DNAJC8: variants seen among roughly 807,000 people sequenced by gnomAD.
DNAJC8 encodes dnaJ homolog subfamily C member 8.
In DNAJC8, 24 loss-of-function variants were observed where a neutral mutation model predicts 43.2. The ratio of observed to expected loss-of-function variants is 0.56; its 90% confidence interval spans 0.40 to 0.78. DNAJC8 has a LOEUF of 0.78. Among genes scored for constraint, DNAJC8 ranks in the 30% least tolerant of loss-of-function variants. DNAJC8 has a pLI of 0.00. For missense variants in DNAJC8, 207 were observed against 299.4 expected (o/e 0.69, Z 2.28); for synonymous variants, 83 against 98.0 (o/e 0.85, Z 0.90).
intron 3 of DNAJC8, 110 bp from the exon 4 acceptor site, chr1:28,210,747 C>G: frequency 1.4e-6 from 1 of 703,676 alleles, no homozygotes; most frequent in Non-Finnish European, 2.4e-6. Flanking sequence ...CAAAAAGAGA[C>G]TCTTAGCAAA....
intron 1 of DNAJC8, among the ~76,000 whole-genome samples, chr1:28,231,607 CG>C (rs1372244155): frequency 6.6e-6 from 1 of 151,340 alleles, no homozygotes; most frequent in Admixed American, 6.6e-5. Context: ...CCCAGCTACT[CG>C]GGAGGCTGAG....
At chr1:28,211,382 C>T (rs933787259) in intron 3 of DNAJC8, among the ~76,000 whole-genome samples, 1 of 152,172 alleles carries the variant, frequency 6.6e-6, no homozygotes, top group Admixed American at 6.6e-5. Context: ...TTTGAATTTT[C>T]GGATTAGGGA....
chr1:28,219,463 C>T (rs926043725), intron 2 of DNAJC8, among the ~76,000 whole-genome samples: 1 of 152,068 alleles, frequency 6.6e-6, no homozygotes, highest in Admixed American at 6.5e-5. Context: ...GAGCCGAGAT[C>T]GTGCCACTGC....
At chr1:28,215,789 A>T (rs945781977) in intron 2 of DNAJC8, among the ~76,000 whole-genome samples, 1 of 151,920 alleles carries the variant, frequency 6.6e-6, no homozygotes, top group Non-Finnish European at 1.5e-5. Context: ...CGCCTGCCTC[A>T]GCCTCCCAAA....
rs576422692 is a variant in DNAJC8 at position 28,229,000 on chromosome 1, G to A, written c.102C>T (p.Asp34=). The change falls in exon 2 of 9, where the codon GAC becomes GAT. Residue 34 remains aspartate (D), a synonymous_variant. Transcript: ENST00000263697. ...TCTGATTTTTCGAAGTTAGAACCGA[G>A]TCTCTCTTCTCTATTTGTTTCACCT... The part of the protein sequence containing the change: ...YSEVKQIEKR[D]SVLTSKNQIE... 1.2e-6 allele frequency: 2 copies of A among 1,613,916 alleles called. No homozygotes were observed. Among genetic ancestry groups the A allele is most frequent in the East Asian group, 4.5e-5 (2 of 44,858 alleles).
Position 28,219,701 on chromosome 1 carries a change from T to A in DNAJC8, c.181-4705A>T, listed in dbSNP as rs1646885790. On this transcript the variant is annotated intron_variant, in intron 2 of 8. Coordinates refer to ENST00000263697, the MANE Select transcript of DNAJC8 (RefSeq NM_014280.3). ...CGATTTCTATTCTTTTTTTCTTTCT[T>A]TCTTGAGACAGAGTCTTGTTCTGTC... Among the ~76,000 whole-genome samples, 3 of 152,144 alleles carry A rather than the reference T, an allele frequency of 2.0e-5. No individual in the cohort carries two copies. In the South Asian group the frequency reaches 6.2e-4, roughly 32 times the overall value.
chr1:28,232,991 G>A lies in DNAJC8; in HGVS notation c.8C>T (p.Ala3Val), dbSNP rs1646991971. The A allele has an allele frequency of 6.2e-7, 1 of 1,612,062 alleles. No individual in the cohort carries two copies. The highest frequency in any genetic ancestry group is 8.5e-7 in the Non-Finnish European group (1 of 1,180,006). MA[A>V]SGESGTSGGG... Reference sequence around the variant, plus strand: ...GCCTGAAGTCCCGCTCTCTCCTGAAGCCGCCATTTCCCCGGCCCAGCCACC... The same window carrying A: ...GCCTGAAGTCCCGCTCTCTCCTGAAACCGCCATTTCCCCGGCCCAGCCACC... The change falls in exon 1 of 9, where the codon GCT becomes GTT. Residue 3 changes from alanine to valine, a missense_variant. Ala to Val is a moderately conservative substitution (Grantham distance 64). This residue lies in a region of DNAJC8 where 48 missense variants were observed against 31.9 expected (regional missense o/e 1.50). Transcript: ENST00000263697.
intron 2 of DNAJC8, among the ~76,000 whole-genome samples, chr1:28,225,415 C>G (rs937881579): frequency 6.6e-6 from 1 of 151,196 alleles, no homozygotes; most frequent in Non-Finnish European, 1.5e-5. Flanking sequence ...AAACAGAAAA[C>G]AGATGAACCT....
chr1:28,201,022 G>A lies in DNAJC8; in HGVS notation c.*226C>T, dbSNP rs1291819378. 1 of 570,264 alleles carries A rather than the reference G, an allele frequency of 1.8e-6. No homozygotes were observed. The allele number at this position is 570,264 out of a possible 1,614,324, so 35.3% of individuals were successfully genotyped here. A position where few individuals can be genotyped will look rare whatever the true frequency, so the allele number is the denominator to read the frequency against. The stretch of plus-strand genomic sequence containing the variant: ...ACCAATGGTGGCACCTTCTAATACT[G>A]GTTGTTCTAGGGGCAGGGAGAGGGA... On this transcript the variant is annotated 3_prime_UTR_variant, in exon 9 of 9. Transcript: ENST00000263697.
chr1:28,228,121 C>T lies in DNAJC8; in HGVS notation c.180+801G>A, dbSNP rs560435368. Among the ~76,000 whole-genome samples the T allele has an allele frequency of 1.3e-4, 20 of 151,982 alleles. 1 individual carries two copies. Among genetic ancestry groups the T allele is most frequent in the Middle Eastern group, 6.8e-3 (2 of 294 alleles). On this transcript the variant is annotated intron_variant, in intron 2 of 8. Transcript: ENST00000263697. ...ATCCCAGCACTTTGGGAGGCTGAGG[C>T]GGGTGGATCACAAGGTCAGGAGTTC...
intron 2 of DNAJC8, among the ~76,000 whole-genome samples, chr1:28,216,299 AG>A (rs1316419997): frequency 6.6e-6 from 1 of 152,230 alleles, no homozygotes; most frequent in Admixed American, 6.5e-5. Context: ...GTCACTCAAT[AG>A]GAAGAGCGAA....
intron 3 of DNAJC8, among the ~76,000 whole-genome samples, chr1:28,212,919 G>A (rs1646825227): frequency 6.6e-6 from 1 of 152,196 alleles, no homozygotes. Context: ...GCTGATATAA[G>A]AATGAAACAA....
chr1:28,228,448 A>G (rs558562392), intron 2 of DNAJC8, among the ~76,000 whole-genome samples: 1 of 151,996 alleles, frequency 6.6e-6, no homozygotes, highest in Admixed American at 6.6e-5. Flanking sequence ...CTAAAAGATG[A>G]TGAAAGATAT....
chr1:28,208,951 T>A (rs1447716142), intron 5 of DNAJC8: 1 of 152,192 alleles, frequency 6.6e-6, no homozygotes, highest in Non-Finnish European at 1.5e-5. Flanking sequence ...AATAAATAAA[T>A]ATACGAATTC....
intron 2 of DNAJC8, 29 bp downstream of exon 2, chr1:28,228,893 A>G: frequency 6.3e-7 from 1 of 1,578,576 alleles, no homozygotes; most frequent in Non-Finnish European, 8.7e-7. Flanking sequence ...CCCCCATTAC[A>G]GAGGCCCTAG....
chr1:28,205,181 T>G, intron 7 of DNAJC8, 77 bp downstream of exon 7: 1 of 1,119,218 alleles, frequency 8.9e-7, no homozygotes, highest in Admixed American at 2.1e-5. Context: ...AATTCCCTCA[T>G]TAGGAAAATC....
At chr1:28,225,196 T>C (rs1397708298) in intron 2 of DNAJC8, among the ~76,000 whole-genome samples, 2 of 151,310 alleles carry the variant, frequency 1.3e-5, no homozygotes, top group East Asian at 3.8e-4. Flanking sequence ...TGTATCAGGG[T>C]TCATTTCCTG....
At chr1:28,201,595 C>G (rs909090286) in intron 8 of DNAJC8, among the ~76,000 whole-genome samples, 4 of 152,042 alleles carry the variant, frequency 2.6e-5, no homozygotes, top group African/African-American at 9.7e-5. Context: ...TCAAGACCAG[C>G]CTGGCCAACA....
At chr1:28,224,884 GAAAC>G (rs1416443587) in intron 2 of DNAJC8, among the ~76,000 whole-genome samples, 8 of 142,530 alleles carry the variant, frequency 5.6e-5, no homozygotes, top group East Asian at 3.9e-4. Context: ...ACTCTGTCAC[GAAAC>G]AAACAAACAA....
Sources: gnomAD v4.1 joint callset for allele counts (sites outside exome capture counted in the v4.1 genomes callset) on GRCh38, gnomAD v4.1.1 for gene constraint, gnomAD v4.1.1 regional missense constraint, MANE v1.5 for transcripts, NCBI Gene and HGNC (gene_info 2026-07-23, HGNC 2026-07-21) for gene names.